KCTD8: variants seen among roughly 807,000 people sequenced by gnomAD.
KCTD8 encodes BTB/POZ domain-containing protein KCTD8.
Under a neutral mutation model 31.5 loss-of-function variants are expected in KCTD8, and 27 were observed. The observed-to-expected ratio is 0.86, with a 90% CI of 0.63 to 1.18. The LOEUF (loss-of-function observed/expected upper bound fraction) is 1.18. KCTD8 is among the 50% of genes most tolerant of loss of function. KCTD8 has a pLI of 0.00. For synonymous variants in KCTD8, 290 were observed against 280.0 expected, an observed-to-expected ratio of 1.04 and a Z score of -0.36; for missense variants, 658 against 647.7, an observed-to-expected ratio of 1.02 and a Z score of -0.17.
intron 1 of KCTD8, among the ~76,000 whole-genome samples, chr4:44,264,208 T>C (rs1303906867): frequency 6.6e-6 from 1 of 152,200 alleles, no homozygotes; most frequent in Non-Finnish European, 1.5e-5. Context: ...CACCTCTTCC[T>C]GTAATCTTTA....
intron 1 of KCTD8, among the ~76,000 whole-genome samples, chr4:44,200,573 T>C (rs927950621): frequency 3.3e-5 from 5 of 152,080 alleles, no homozygotes; most frequent in African/African-American, 1.2e-4. Context: ...ATCATCCCAA[T>C]AGATGTAGAA....
chr4:44,364,867 TA>T lies in KCTD8; in HGVS notation c.961+82695del, dbSNP rs34381881. On this transcript the variant is annotated intron_variant, in intron 1 of 1. Coordinates refer to ENST00000360029, the MANE Select transcript of KCTD8 (RefSeq NM_198353.3). ...GGGAAAGGGAAAACTATAAAGCCAG[TA>T]AAAAAAAAAAGTCAGTGGTTCTCCG... 1.1e-3 allele frequency among the ~76,000 whole-genome samples: 153 copies of T among 141,746 alleles called. 1 individual carries two copies. The highest frequency in any genetic ancestry group is 2.3e-3 in the African/African-American group (91 of 38,890). The allele number at this position is 141,746 out of a possible 152,430, so 93.0% of individuals were successfully genotyped here.
chr4:44,295,069 G>GA (rs1024727573), intron 1 of KCTD8, among the ~76,000 whole-genome samples: 2 of 152,122 alleles, frequency 1.3e-5, no homozygotes, highest in Non-Finnish European at 2.9e-5. Flanking sequence ...GAGGCAGGGG[G>GA]ATCCCTTGAG....
chr4:44,324,068 C>CAAAAAAAAAAAA (rs1193748312), intron 1 of KCTD8, among the ~76,000 whole-genome samples: 1 of 128,274 alleles, frequency 7.8e-6, no homozygotes, highest in African/African-American at 3.2e-5. Context: ...CAAAACAAAA[C>CAAAAAAAAAAAA]AAAACAAAAA....
intron 1 of KCTD8, among the ~76,000 whole-genome samples, chr4:44,426,114 A>C (rs555449533): frequency 6.6e-6 from 1 of 152,002 alleles, no homozygotes; most frequent in Non-Finnish European, 1.5e-5. Context: ...GCTGAATAAT[A>C]CATGTCAAAA....
intron 1 of KCTD8, among the ~76,000 whole-genome samples, chr4:44,327,165 T>C (rs991708634): frequency 3.3e-5 from 5 of 151,926 alleles, no homozygotes; most frequent in African/African-American, 1.2e-4. Context: ...CTTCTTTTTA[T>C]AGCAAGGAGG....
At chr4:44,432,380 G>C (rs1294659761) in intron 1 of KCTD8, among the ~76,000 whole-genome samples, 1 of 151,392 alleles carries the variant, frequency 6.6e-6, no homozygotes, top group African/African-American at 2.4e-5. Context: ...TCACTTAATA[G>C]TTTAGCAAAA....
intron 1 of KCTD8, among the ~76,000 whole-genome samples, chr4:44,276,870 C>A (rs1716766038): frequency 6.6e-6 from 1 of 151,808 alleles, no homozygotes; most frequent in African/African-American, 2.4e-5. Flanking sequence ...TTTTTTCAGA[C>A]AAAGAATGGG....
chr4:44,435,238 C>A (rs1257180343), intron 1 of KCTD8, among the ~76,000 whole-genome samples: 1 of 151,878 alleles, frequency 6.6e-6, no homozygotes, highest in Non-Finnish European at 1.5e-5. Context: ...CACATCATTC[C>A]TCAAATGGGA....
At chr4:44,227,959 C>T (rs1289460995) in intron 1 of KCTD8, among the ~76,000 whole-genome samples, 1 of 152,266 alleles carries the variant, frequency 6.6e-6, no homozygotes, top group South Asian at 2.1e-4. Context: ...AGTTAGTGAT[C>T]CTCTTAAAGC....
chr4:44,436,375 G>C (rs1326876155), intron 1 of KCTD8, among the ~76,000 whole-genome samples: 1 of 152,014 alleles, frequency 6.6e-6, no homozygotes, highest in Non-Finnish European at 1.5e-5. Context: ...TACATGTAAA[G>C]AGAAACAGAG....
intron 1 of KCTD8, among the ~76,000 whole-genome samples, chr4:44,298,388 C>T (rs1205904451): frequency 6.6e-6 from 1 of 151,822 alleles, no homozygotes; most frequent in African/African-American, 2.4e-5. Context: ...TCACAAAACT[C>T]CTTCACACTA....
chr4:44,259,804 A>T (rs1716108589), intron 1 of KCTD8, among the ~76,000 whole-genome samples: 1 of 151,938 alleles, frequency 6.6e-6, no homozygotes, highest in African/African-American at 2.4e-5. Flanking sequence ...AAAGGTCTAA[A>T]GGCAAATTGT....
At chr4:44,296,658 T>G (rs2109389036) in intron 1 of KCTD8, among the ~76,000 whole-genome samples, 1 of 152,254 alleles carries the variant, frequency 6.6e-6, no homozygotes, top group Middle Eastern at 3.4e-3. Context: ...ATTCCTCTAC[T>G]AACACAGTGA....
chr4:44,325,263 T>A (rs530721126), intron 1 of KCTD8, among the ~76,000 whole-genome samples: 2 of 151,778 alleles, frequency 1.3e-5, no homozygotes, highest in Non-Finnish European at 2.9e-5. Context: ...AAATTCAAAG[T>A]GAAGAGAACG....
chr4:44,370,605 G>A lies in KCTD8; in HGVS notation c.961+76958C>T, dbSNP rs183856366. On this transcript the variant is annotated intron_variant, in intron 1 of 1. Transcript: ENST00000360029. ...ATGGTAGACATGGCTCAGATATCAT[G>A]TTTTCTTTCAAAGCAGAAATAAGGA... Among the ~76,000 whole-genome samples, 11 of 152,136 alleles carry A rather than the reference G, an allele frequency of 7.2e-5. No homozygotes were observed. In the East Asian group the frequency reaches 1.9e-3, roughly 27 times the overall value.
intron 1 of KCTD8, among the ~76,000 whole-genome samples, chr4:44,196,392 A>T (rs1713942117): frequency 6.6e-6 from 1 of 152,190 alleles, no homozygotes; most frequent in African/African-American, 2.4e-5. Context: ...GCAAGGGAAT[A>T]CAAATTGTGT....
rs753414631 is a variant in KCTD8, at chr4:44,448,507, G to A, written c.17C>T (p.Thr6Met). Residue 6 changes from threonine (T) to methionine (M), a missense_variant, in exon 1 of 2, where the codon ACG becomes ATG. Physicochemically the swap from Thr to Met is moderately conservative, Grantham distance 81. Coordinates refer to ENST00000360029, the MANE Select transcript of KCTD8 (RefSeq NM_198353.3). The surrounding 1 kb of genome is among the most constrained non-coding windows in gnomAD (Gnocchi z 4.1). MALKD[T>M]GSGGSTILPI... ...CAGGATGGTGCTGCCGCCGCTGCCC[G>A]TGTCCTTCAGAGCCATAGTCCCCCC... is the stretch of plus-strand genomic sequence containing the variant. 4.7e-6 allele frequency: 7 copies of A among 1,488,452 alleles called. No homozygotes were observed. In the East Asian group the frequency reaches 7.2e-5, roughly 15 times the overall value. 92.2% of individuals were successfully genotyped at this position (1,488,452 alleles called of 1,614,324 possible).
At chr4:44,431,661 C>T (rs1321458923) in intron 1 of KCTD8, among the ~76,000 whole-genome samples, 1 of 151,510 alleles carries the variant, frequency 6.6e-6, no homozygotes, top group Non-Finnish European at 1.5e-5. Context: ...ATCAGGGTAT[C>T]TTTTGACAGA....
Sources: allele counts gnomAD v4.1 joint callset (sites outside exome capture counted in the v4.1 genomes callset), GRCh38; gene constraint gnomAD v4.1.1; non-coding constraint Gnocchi (gnomAD v3.1); transcripts MANE v1.5; gene names NCBI Gene and HGNC (gene_info 2026-07-23, HGNC 2026-07-21).